The following ATP9B variants were observed in gnomAD, a reference collection of about 807,000 sequenced individuals.
The protein encoded by ATP9B is ATPase phospholipid transporting 9B, also known as probable phospholipid-transporting ATPase IIB.
A neutral mutation model predicts 146.1 loss-of-function variants in ATP9B; 110 were observed. The ratio of observed to expected loss-of-function variants is 0.75; its 90% confidence interval spans 0.65 to 0.88. The LOEUF (loss-of-function observed/expected upper bound fraction) is 0.88. ATP9B is among the 40% of genes least tolerant of loss of function. The pLI, the probability that ATP9B is intolerant of heterozygous loss-of-function variation, is 0.00. For missense variants in ATP9B, 1,499 were observed against 1,496.4 expected, an observed-to-expected ratio of 1.00 and a Z score of -0.03; for synonymous variants, 604 against 569.7, an observed-to-expected ratio of 1.06 and a Z score of -0.86.
intron 6 of ATP9B, among the ~76,000 whole-genome samples, chr18:79,148,787 T>C (rs1435087234): frequency 1.3e-5 from 2 of 152,210 alleles, no homozygotes; most frequent in African/African-American, 4.8e-5. Flanking sequence ...TACGTATACA[T>C]GTACATAAAT....
Position 79,094,893 on chromosome 18 carries a change from C to T in ATP9B, c.120-1583C>T, listed in dbSNP as rs114186322. 8.8e-3 allele frequency among the ~76,000 whole-genome samples: 1,343 copies of T among 152,268 alleles called. 25 individuals carry two copies. The highest frequency in any genetic ancestry group is 0.03 in the African/African-American group (1,265 of 41,552). On this transcript the variant is annotated intron_variant, in intron 1 of 29. Coordinates refer to ENST00000426216, the MANE Select transcript of ATP9B (RefSeq NM_198531.5). ...GTTGTGATCAGAAATATGATTCCAT[C>T]GTACACGACATGTACACTCGGCCAC... is the stretch of plus-strand genomic sequence containing the variant.
chr18:79,307,094 G>A lies in ATP9B; in HGVS notation c.1633G>A (p.Val545Met), dbSNP rs777229868. Residue 545 changes from valine (V) to methionine (M), a missense_variant, in exon 15 of 30, where the codon GTG becomes ATG. Val to Met is a conservative substitution (Grantham distance 21, BLOSUM62 1). Transcript: ENST00000426216. ...TGTCAGTAGTCGAATCCATGAAGCC[G>A]TGAAAGCCATCGTGCTGTGTCACAA... ...KSVSSRIHEA[V>M]KAIVLCHNVT... The A allele has an allele frequency of 2.1e-5, 34 of 1,614,090 alleles. No homozygotes were observed. The highest frequency in any genetic ancestry group is 4.4e-5 in the South Asian group (4 of 91,092).
In ATP9B at chr18:79,374,099, T is replaced by G; in HGVS notation, c.3272T>G (p.Phe1091Cys). 2 of 1,614,062 alleles carry G rather than the reference T, an allele frequency of 1.2e-6. No individual in the cohort carries two copies. The highest frequency in any genetic ancestry group is 1.1e-5 in the South Asian group (1 of 91,052). Residue 1091 changes from phenylalanine to cysteine, a missense_variant and splice_region_variant, in exon 28 of 30, where the codon TTT (phenylalanine) becomes TGT (cysteine). Phe to Cys is a radical substitution (Grantham distance 205). Transcript: ENST00000426216. ...VSSLAFLNEYFGIGRVSFGAF... is the reference protein window; with the variant it reads ...VSSLAFLNEYCGIGRVSFGAF... The stretch of plus-strand genomic sequence containing the variant: ...TCACTCGCTTTTCTCAATGAATATT[T>G]TGGTAAGTTGCCTTGGAATTGTTTT...
chr18:79,324,379 C>T (rs2096732883), intron 15 of ATP9B, among the ~76,000 whole-genome samples: 1 of 151,988 alleles, frequency 6.6e-6, no homozygotes, highest in African/African-American at 2.4e-5. Flanking sequence ...AAGTCTTTGC[C>T]CAGACCAAAG....
intron 11 of ATP9B, among the ~76,000 whole-genome samples, chr18:79,230,651 A>T (rs1017513691): frequency 6.6e-6 from 1 of 152,194 alleles, no homozygotes; most frequent in African/African-American, 2.4e-5. Flanking sequence ...TGCTGCCAAA[A>T]GTAATCTACA....
At chr18:79,319,458 C>T (rs998702751) in intron 15 of ATP9B, among the ~76,000 whole-genome samples, 1 of 151,534 alleles carries the variant, frequency 6.6e-6, no homozygotes, top group Non-Finnish European at 1.5e-5. Flanking sequence ...TGAACAGTTC[C>T]ATAGGGGCCC....
At chr18:79,212,273 A>G (rs1298754713) in intron 10 of ATP9B, among the ~76,000 whole-genome samples, 3 of 152,368 alleles carry the variant, frequency 2.0e-5, no homozygotes, top group East Asian at 3.9e-4. Flanking sequence ...GTGAGAGAAT[A>G]CTTACGAGAG....
chr18:79,364,996 C>CA (rs758434912), intron 26 of ATP9B, among the ~76,000 whole-genome samples: 41 of 151,530 alleles, frequency 2.7e-4, no homozygotes, highest in Non-Finnish European at 5.3e-4. Context: ...AGCCACTGCA[C>CA]TCCAGCCTGG....
chr18:79,338,577 G>T (rs940399555), intron 19 of ATP9B, among the ~76,000 whole-genome samples: 1 of 152,184 alleles, frequency 6.6e-6, no homozygotes, highest in African/African-American at 2.4e-5. Flanking sequence ...TAGGCATCCT[G>T]ACCATCCTTC....
intron 25 of ATP9B, among the ~76,000 whole-genome samples, chr18:79,354,943 G>A (rs963748741): frequency 2.6e-5 from 4 of 152,230 alleles, no homozygotes; most frequent in African/African-American, 9.6e-5. Flanking sequence ...GCCAGGGAAG[G>A]GCTGTGCCCA....
At chr18:79,318,116 G>A (rs1387637457) in intron 15 of ATP9B, among the ~76,000 whole-genome samples, 2 of 152,256 alleles carry the variant, frequency 1.3e-5, no homozygotes, top group African/African-American at 2.4e-5. Context: ...AAGACAGATC[G>A]CCCATGCAGA....
chr18:79,285,117 G>C (rs11081526), intron 13 of ATP9B, among the ~76,000 whole-genome samples: 1 of 151,006 alleles, frequency 6.6e-6, no homozygotes, highest in Non-Finnish European at 1.5e-5. Context: ...ATGATTTATA[G>C]TCCTTTGGGT....
intron 9 of ATP9B, among the ~76,000 whole-genome samples, chr18:79,202,792 T>G (rs1479461903): frequency 4.6e-5 from 7 of 152,186 alleles, no homozygotes; most frequent in Admixed American, 2.6e-4. Context: ...TTCTTCAACA[T>G]AAAATTGTGT....
chr18:79,142,980 C>G (rs1399184084), intron 5 of ATP9B, among the ~76,000 whole-genome samples: 1 of 151,762 alleles, frequency 6.6e-6, no homozygotes, highest in East Asian at 1.9e-4. Context: ...ACAGTAATTA[C>G]AAAAATGTAA....
intron 11 of ATP9B, among the ~76,000 whole-genome samples, chr18:79,247,633 A>G (rs1036794353): frequency 1.3e-5 from 2 of 152,166 alleles, no homozygotes; most frequent in African/African-American, 4.8e-5. Flanking sequence ...GTTTGTGTAA[A>G]CTAGGTGTGA....
intron 9 of ATP9B, among the ~76,000 whole-genome samples, chr18:79,197,541 T>C (rs912402789): frequency 2.6e-5 from 4 of 152,054 alleles, no homozygotes; most frequent in African/African-American, 9.7e-5. Flanking sequence ...GGTAAGTTTT[T>C]TAAAAAATAC....
intron 11 of ATP9B, among the ~76,000 whole-genome samples, chr18:79,216,438 T>A (rs2095627840): frequency 6.6e-6 from 1 of 152,244 alleles, no homozygotes; most frequent in South Asian, 2.1e-4. Flanking sequence ...AACAAGGTCA[T>A]GCTCATGCAC....
chr18:79,096,682 A>C, intron 2 of ATP9B, 33 bp downstream of exon 2: 1 of 1,551,292 alleles, frequency 6.4e-7, no homozygotes, highest in Non-Finnish European at 8.8e-7. Flanking sequence ...ATTTCCTTAT[A>C]TGCTAAGGTT....
chr18:79,301,746 TAA>T (rs1262168490), intron 13 of ATP9B, among the ~76,000 whole-genome samples: 1 of 152,220 alleles, frequency 6.6e-6, no homozygotes, highest in Admixed American at 6.5e-5. Context: ...AGGTGCTTCA[TAA>T]AACTTTGTGG....
Sources: gnomAD v4.1 joint callset for allele counts (sites outside exome capture counted in the v4.1 genomes callset) on GRCh38, gnomAD v4.1.1 for gene constraint, MANE v1.5 for transcripts, NCBI Gene and HGNC (gene_info 2026-07-23, HGNC 2026-07-21) for gene names.